PLXDC2: variants seen among roughly 807,000 people sequenced by gnomAD.
PLXDC2 encodes the protein plexin domain containing 2, also known as plexin domain-containing protein 2.
In PLXDC2, 40 loss-of-function variants were observed where a neutral mutation model predicts 68.9. The observed-to-expected ratio is 0.58, with a 90% CI of 0.45 to 0.76. The LOEUF is 0.76. Ranked by LOEUF, PLXDC2 falls within the 30% of genes least tolerant of loss-of-function variation. The probability of loss-of-function intolerance (pLI) is 0.00; values close to 1 mark genes in which losing one functional copy is unlikely to be tolerated. For synonymous variants in PLXDC2, 243 were observed against 234.2 expected (o/e 1.04, Z -0.34); for missense variants, 644 against 661.9 (o/e 0.97, Z 0.30).
At chr10:20,258,203 A>G (rs534362186) in intron 13 of PLXDC2, among the ~76,000 whole-genome samples, 41 of 151,940 alleles carry the variant, frequency 2.7e-4, no homozygotes, top group Non-Finnish European at 4.0e-4. Flanking sequence ...GGGTTTCACT[A>G]TGGTGGCCAG....
chr10:19,871,254 A>G (rs1837529064), intron 1 of PLXDC2, among the ~76,000 whole-genome samples: 2 of 152,218 alleles, frequency 1.3e-5, no homozygotes, highest in South Asian at 2.1e-4. Context: ...GTTCACATAT[A>G]CGGCAAAGGA....
chr10:19,884,557 T>C, intron 1 of PLXDC2, among the ~76,000 whole-genome samples: 1 of 140,142 alleles, frequency 7.1e-6, no homozygotes, highest in Non-Finnish European at 1.5e-5. Context: ...CCTGTGTCCA[T>C]GTGTTCTCAT....
At chr10:19,968,786 T>G (rs1462759803) in intron 1 of PLXDC2, among the ~76,000 whole-genome samples, 2 of 152,204 alleles carry the variant, frequency 1.3e-5, no homozygotes, top group East Asian at 3.8e-4. Flanking sequence ...CTTTCAGTGA[T>G]GTAGATGGTA....
chr10:19,899,897 C>G (rs993785978), intron 1 of PLXDC2, among the ~76,000 whole-genome samples: 1 of 151,986 alleles, frequency 6.6e-6, no homozygotes, highest in South Asian at 2.1e-4. Context: ...CTTGATATTT[C>G]TTGGGTCAAG....
chr10:20,074,213 A>G (rs989453942), intron 4 of PLXDC2, among the ~76,000 whole-genome samples: 15 of 152,188 alleles, frequency 9.9e-5, no homozygotes, highest in African/African-American at 2.4e-4. Flanking sequence ...TTCCCTTTCT[A>G]CACAGGTTTC....
intron 13 of PLXDC2, among the ~76,000 whole-genome samples, chr10:20,258,987 G>A (rs1295793562): frequency 5.6e-5 from 8 of 142,230 alleles, no homozygotes; most frequent in South Asian, 2.2e-4. Context: ...CAGCCTGGGC[G>A]ACAGAGCGAT....
At chr10:19,879,679 A>AGAAG (rs1246946227) in intron 1 of PLXDC2, among the ~76,000 whole-genome samples, 8 of 152,310 alleles carry the variant, frequency 5.3e-5, no homozygotes, top group Non-Finnish European at 8.8e-5. Context: ...AGTATGTTTT[A>AGAAG]GAAGGATTAA....
chr10:19,962,868 T>TA (rs1256309988), intron 1 of PLXDC2, among the ~76,000 whole-genome samples: 1 of 150,338 alleles, frequency 6.7e-6, no homozygotes, highest in Non-Finnish European at 1.5e-5. Flanking sequence ...CTGGTGCCTG[T>TA]AGTCCCAGCT....
intron 4 of PLXDC2, among the ~76,000 whole-genome samples, chr10:20,140,022 C>T (rs903609642): frequency 1.3e-5 from 2 of 152,102 alleles, no homozygotes; most frequent in African/African-American, 4.8e-5. Flanking sequence ...TTAAAACGGC[C>T]AGGCGTGGTG....
intron 1 of PLXDC2, among the ~76,000 whole-genome samples, chr10:19,926,839 G>A (rs1355302941): frequency 6.6e-6 from 1 of 152,192 alleles, no homozygotes; most frequent in Non-Finnish European, 1.5e-5. Flanking sequence ...AAAGACCAAT[G>A]AGAGCCCTTG....
intron 5 of PLXDC2, among the ~76,000 whole-genome samples, chr10:20,145,893 A>G (rs934965350): frequency 1.3e-5 from 2 of 152,158 alleles, no homozygotes; most frequent in Admixed American, 6.5e-5. Flanking sequence ...ACAAAATATT[A>G]GGAATCCCTT....
intron 1 of PLXDC2, among the ~76,000 whole-genome samples, chr10:19,948,604 C>T (rs945958661): frequency 5.9e-4 from 89 of 151,728 alleles, no homozygotes; most frequent in Non-Finnish European, 1.2e-3. Flanking sequence ...GACTGTGTGG[C>T]GTTTAATGCT....
chr10:19,995,470 T>A (rs895055557), intron 1 of PLXDC2, among the ~76,000 whole-genome samples: 1 of 152,202 alleles, frequency 6.6e-6, no homozygotes, highest in Non-Finnish European at 1.5e-5. Context: ...GGGCTAGTCA[T>A]GTAAACTATC....
At chr10:20,002,431 TGTATTTTTA>T (rs1023398680) in intron 2 of PLXDC2, among the ~76,000 whole-genome samples, 2 of 152,128 alleles carry the variant, frequency 1.3e-5, no homozygotes, top group Non-Finnish European at 2.9e-5. Context: ...GGCTATTTTT[TGTATTTTTA>T]GTAGAGATGG....
chr10:20,201,610 T>A (rs1040180787), intron 9 of PLXDC2, among the ~76,000 whole-genome samples: 2 of 152,010 alleles, frequency 1.3e-5, no homozygotes, highest in Non-Finnish European at 2.9e-5. Flanking sequence ...TTTCAAATAG[T>A]TAGAAGGAGA....
At chr10:19,993,484 A>G (rs1269518125) in intron 1 of PLXDC2, among the ~76,000 whole-genome samples, 4 of 152,074 alleles carry the variant, frequency 2.6e-5, no homozygotes, top group African/African-American at 7.2e-5. Flanking sequence ...CAGTGGTGCA[A>G]TCTCGGTTCA....
intron 7 of PLXDC2, 37 bp from the exon 8 acceptor site, chr10:20,176,962 A>C (rs760433406): frequency 1.4e-6 from 2 of 1,442,080 alleles, no homozygotes; most frequent in Non-Finnish European, 1.9e-6. Flanking sequence ...TAAGCGAGGA[A>C]AGGTTAAAAA....
chr10:19,848,626 G>A (rs1257677933), intron 1 of PLXDC2, among the ~76,000 whole-genome samples: 2 of 152,192 alleles, frequency 1.3e-5, no homozygotes, highest in Non-Finnish European at 2.9e-5. Flanking sequence ...AGAAATAACT[G>A]TTGTCATTGT....
At chr10:19,983,221 A>G (rs1159987778) in intron 1 of PLXDC2, among the ~76,000 whole-genome samples, 2 of 152,210 alleles carry the variant, frequency 1.3e-5, no homozygotes, top group Non-Finnish European at 2.9e-5. Flanking sequence ...TTTGATAGCA[A>G]TCAGGTCTGC....
Sources: gnomAD v4.1 joint callset for allele counts (sites outside exome capture counted in the v4.1 genomes callset) on GRCh38, gnomAD v4.1.1 for gene constraint, MANE v1.5 for transcripts, NCBI Gene and HGNC (gene_info 2026-07-23, HGNC 2026-07-21) for gene names.